SPATA9: variants seen among roughly 807,000 people sequenced by gnomAD.
SPATA9 encodes the protein spermatogenesis-associated protein 9.
A neutral mutation model predicts 25.5 loss-of-function variants in SPATA9; 27 were observed. The ratio of observed to expected loss-of-function variants is 1.06; its 90% confidence interval spans 0.78 to 1.46. SPATA9 has a LOEUF of 1.46. SPATA9 is among the 40% of genes most tolerant of loss of function. The probability of loss-of-function intolerance (pLI) is 0.00; values close to 1 mark genes in which losing one functional copy is unlikely to be tolerated. For synonymous variants in SPATA9, 102 were observed against 105.7 expected, an observed-to-expected ratio of 0.97 and a Z score of 0.21; for missense variants, 282 against 297.5, an observed-to-expected ratio of 0.95 and a Z score of 0.38.
At chr5:95,725,938 T>C in the SPATA9 span, among the ~76,000 whole-genome samples, 2 of 152,196 alleles carry the variant, frequency 1.3e-5, no homozygotes, top group African/African-American at 4.8e-5. Context: ...TCAAAAGATG[T>C]AGAAGAGAAA....
intron 1 of SPATA9, among the ~76,000 whole-genome samples, chr5:95,691,094 T>C (rs1222523496): frequency 2.0e-5 from 3 of 151,996 alleles, no homozygotes; most frequent in Non-Finnish European, 4.4e-5. Context: ...CGGGCGCCTG[T>C]AGTACCAGCT....
At chr5:95,686,501 A>G (rs543790152), upstream of SPATA9, among the ~76,000 whole-genome samples, 2 of 152,338 alleles carry the variant, frequency 1.3e-5, no homozygotes, top group South Asian at 4.1e-4. Context: ...AATTAATTAA[A>G]TAACAAGTTT....
the SPATA9 span, among the ~76,000 whole-genome samples, chr5:95,716,753 C>G: frequency 6.6e-6 from 1 of 152,114 alleles, no homozygotes; most frequent in East Asian, 1.9e-4. Flanking sequence ...AATTTCATCT[C>G]GAATTGCAGC....
intron 1 of SPATA9, among the ~76,000 whole-genome samples, chr5:95,696,223 T>G (rs1233782675): frequency 6.6e-6 from 1 of 152,158 alleles, no homozygotes; most frequent in Admixed American, 6.5e-5. Context: ...ATAATAAATA[T>G]CAACTGTTTT....
chr5:95,658,790 C>T lies in SPATA9; in HGVS notation c.598G>A (p.Glu200Lys), dbSNP rs943202819. ...ATTTCACCTTCAGCAAACATAGGCT[C>T]CGAAAGCACAGGCTCAGAAAAGGCT... ...RKAFSEPVLS[E>K]PMFAEGEIKA... The change falls in exon 5 of 5, where the codon GAG becomes AAG. Residue 200 changes from glutamate (E) to lysine (K), a missense_variant. Glu to Lys is a moderately conservative substitution (Grantham distance 56). Transcript: ENST00000274432. 13 of 1,613,928 alleles carry T rather than the reference C, an allele frequency of 8.1e-6. No homozygotes were observed. Among genetic ancestry groups the T allele is most frequent in the Middle Eastern group, 1.7e-4 (1 of 6,060 alleles).
chr5:95,731,560 G>A, the SPATA9 span: 2 of 1,472,922 alleles, frequency 1.4e-6, no homozygotes, highest in East Asian at 5.6e-5. Context: ...CGCGGTGGAG[G>A]CGCGCGAGGG....
the SPATA9 span, among the ~76,000 whole-genome samples, chr5:95,718,228 C>T: frequency 6.6e-6 from 1 of 151,972 alleles, no homozygotes; most frequent in Non-Finnish European, 1.5e-5. Flanking sequence ...TAGAGACTTG[C>T]ATATGTTTAA....
At chr5:95,683,127 T>A, upstream of SPATA9, 1 of 619,486 alleles carries the variant, frequency 1.6e-6, no homozygotes, top group Non-Finnish European at 2.3e-6. Flanking sequence ...AATAATAAAG[T>A]ACACTAAGGA....
chr5:95,675,376 A>G (rs11955539), intron 3 of SPATA9, 36 bp downstream of exon 3: 4 of 1,540,760 alleles, frequency 2.6e-6, no homozygotes, highest in South Asian at 1.2e-5. Context: ...AAGTTTCTTA[A>G]AAAAGGGGAA....
intron 1 of SPATA9, among the ~76,000 whole-genome samples, chr5:95,691,411 T>C (rs1219554490): frequency 6.6e-6 from 1 of 152,190 alleles, no homozygotes; most frequent in African/African-American, 2.4e-5. Flanking sequence ...CACACATATA[T>C]GTTGGGAACT....
intron 1 of SPATA9, among the ~76,000 whole-genome samples, chr5:95,692,226 T>C (rs1381606118): frequency 1.3e-5 from 2 of 152,110 alleles, no homozygotes; most frequent in African/African-American, 4.8e-5. Flanking sequence ...CATCAGAATA[T>C]TTCAAATTTC....
chr5:95,729,121 G>A, the SPATA9 span, among the ~76,000 whole-genome samples: 2 of 152,150 alleles, frequency 1.3e-5, no homozygotes, highest in Non-Finnish European at 2.9e-5. Flanking sequence ...ATACTCAGTC[G>A]AGCAGCCCAT....
the SPATA9 span, among the ~76,000 whole-genome samples, chr5:95,711,150 T>C: frequency 6.6e-6 from 1 of 152,120 alleles, no homozygotes; most frequent in African/African-American, 2.4e-5. Context: ...GAGATACCAG[T>C]GAAAATCGTC....
chr5:95,672,014 C>G (rs1419842851), intron 3 of SPATA9, among the ~76,000 whole-genome samples: 1 of 152,018 alleles, frequency 6.6e-6, no homozygotes, highest in Non-Finnish European at 1.5e-5. Flanking sequence ...CCCCCCACCC[C>G]CAATGCCACG....
At chr5:95,722,260 T>C in the SPATA9 span, among the ~76,000 whole-genome samples, 1 of 152,116 alleles carries the variant, frequency 6.6e-6, no homozygotes, top group Non-Finnish European at 1.5e-5. Flanking sequence ...ATGAGCCAAA[T>C]TATAGCAATA....
rs139323500 is a variant in SPATA9, at chr5:95,658,447, C to A, written c.*176G>T. The stretch of plus-strand genomic sequence containing the variant: ...AGTACATATATTCCACATCAATATT[C>A]ATTTTATTTACTCTATCATGTAAAT... On this transcript the variant is annotated 3_prime_UTR_variant, in exon 5 of 5. Transcript: ENST00000274432. 383 of 654,206 alleles carry A rather than the reference C, an allele frequency of 5.9e-4. 7 individuals carry two copies. The African/African-American group carries it at 6.0e-3, about 10-fold the overall frequency. The allele number at this position is 654,206 out of a possible 1,614,324, so 40.5% of individuals were successfully genotyped here.
chr5:95,653,716 C>T (rs1308354048), downstream of SPATA9, among the ~76,000 whole-genome samples: 1 of 152,096 alleles, frequency 6.6e-6, no homozygotes, highest in African/African-American at 2.4e-5. Context: ...CTGGCCAACA[C>T]AGAGAAACCT....
At chr5:95,657,321 T>C (rs983717635), downstream of SPATA9, 1 of 151,944 alleles carries the variant, frequency 6.6e-6, no homozygotes, top group African/African-American at 2.4e-5. Flanking sequence ...GGTCATACCG[T>C]ACCAGTTGTA....
intron 1 of SPATA9, among the ~76,000 whole-genome samples, chr5:95,696,937 TTC>T (rs1167069029): frequency 1.3e-5 from 2 of 152,214 alleles, no homozygotes; most frequent in Non-Finnish European, 2.9e-5. Flanking sequence ...ACTTTTTATG[TTC>T]TGTTACATTA....
Sources: gnomAD v4.1 joint callset for allele counts (sites outside exome capture counted in the v4.1 genomes callset) on GRCh38, gnomAD v4.1.1 for gene constraint, MANE v1.5 for transcripts, NCBI Gene and HGNC (gene_info 2026-07-23, HGNC 2026-07-21) for gene names.